Variants in IGF2R observed in about 807,000 individuals in gnomAD.
The protein encoded by IGF2R is cation-independent mannose-6-phosphate receptor.
A neutral mutation model predicts 270.6 loss-of-function variants in IGF2R; 91 were observed. That is an observed-to-expected ratio of 0.34 (90% CI 0.28 to 0.40). IGF2R has a LOEUF of 0.40. IGF2R is among the 10% of genes least tolerant of loss of function. IGF2R has a pLI of 1.00. For synonymous variants in IGF2R, 1,316 were observed against 1,258.9 expected (o/e 1.05, Z -0.96); for missense variants, 2,805 against 3,188.3 (o/e 0.88, Z 2.90).
At position 160,048,385 on chromosome 6, in the gene IGF2R, T is replaced by C. The variant is rs1778116525; in HGVS notation, c.2356T>C (p.Ser786Pro). The change falls in exon 18 of 48, where the codon TCT (serine) becomes CCT (proline). Residue 786 changes from serine (S) to proline (P), a missense_variant. By Grantham distance (74) the Ser-to-Pro change is moderately conservative. This residue lies in a region of IGF2R where 1,851 missense variants were observed against 2,207.2 expected (regional missense o/e 0.84). Transcript: ENST00000356956. ...GCTTTGAAATTTTAGTCTGGCAAAA[T>C]CTGAAGGTGGCCTTGGAGGAAACTG... ...EQYDLSSLAKSEGGLGGNWYA... is the reference protein window; with the variant it reads ...EQYDLSSLAKPEGGLGGNWYA... 6.2e-7 allele frequency: 1 copy of C among 1,614,072 alleles called. No homozygotes were observed. The highest frequency in any genetic ancestry group is 8.5e-7 in the Non-Finnish European group (1 of 1,180,032).
At chr6:160,005,830 C>T (rs967937816) in intron 2 of IGF2R, 1 of 150,884 alleles carries the variant, frequency 6.6e-6, no homozygotes. Context: ...CCATGTCCCC[C>T]ACGACTCCTA....
intron 25 of IGF2R, 84 bp downstream of exon 25, chr6:160,062,012 G>C: frequency 1.5e-6 from 2 of 1,343,270 alleles, no homozygotes; most frequent in Non-Finnish European, 2.1e-6. Flanking sequence ...CTTCTATCTT[G>C]TTTAAAACTT....
intron 1 of IGF2R, among the ~76,000 whole-genome samples, chr6:159,973,620 AT>A (rs1783644223): frequency 1.3e-5 from 2 of 152,216 alleles, no homozygotes; most frequent in South Asian, 2.1e-4. Flanking sequence ...GATCACATCC[AT>A]TTGTGTGTGT....
At position 160,096,595 on chromosome 6, in the gene IGF2R, C is replaced by T. The variant is rs1779365479; in HGVS notation, c.6812C>T (p.Ser2271Phe). 1 of 1,613,992 alleles carries T rather than the reference C, an allele frequency of 6.2e-7. No homozygotes were observed. Among genetic ancestry groups the T allele is most frequent in the Non-Finnish European group, 8.5e-7 (1 of 1,179,982 alleles). Residue 2271 changes from serine to phenylalanine, a missense_variant, in exon 45 of 48, where the codon TCT (serine) becomes TTT (phenylalanine). Around this residue, in one of 2 missense-constraint regions of IGF2R, gnomAD observed 1,851 missense variants for 2,207.2 expected, o/e 0.84. Transcript: ENST00000356956. Reference sequence around the variant, plus strand: ...ACTGCCGACTGCCAGTACCTCTTCTCTTGGTACACCTCAGCCGTGTGTCCT... The same window carrying T: ...ACTGCCGACTGCCAGTACCTCTTCTTTTGGTACACCTCAGCCGTGTGTCCT... ...HETADCQYLF[S>F]WYTSAVCPLG...
rs148993724 is a variant in IGF2R, at chr6:160,058,983, A to G, written c.2976A>G (p.Gln992=). 1.2e-5 allele frequency: 20 copies of G among 1,614,222 alleles called. No individual in the cohort carries two copies. The African/African-American group carries it at 2.3e-4, about 18-fold the overall frequency. Residue 992 remains glutamine (Q), a synonymous_variant, in exon 22 of 48, where the codon CAA becomes CAG. Transcript: ENST00000356956. The part of the protein sequence containing the change: ...KPASGCEAET[Q]TEELKNWKPA... ...CTTCTGGCTGTGAGGCAGAAACCCAAACTGAAGAGCTCAAGAATTGGAAGC... is the reference window on the plus strand; with the variant it reads ...CTTCTGGCTGTGAGGCAGAAACCCAGACTGAAGAGCTCAAGAATTGGAAGC...
intron 1 of IGF2R, 44 bp downstream of exon 1, chr6:159,969,439 G>T (rs1384484747): frequency 6.8e-6 from 8 of 1,183,434 alleles, no homozygotes; most frequent in Non-Finnish European, 8.4e-6. Context: ...CGGTGCCCGG[G>T]GTGAGCGGCC....
intron 38 of IGF2R, 131 bp from the exon 39 acceptor site, chr6:160,079,998 G>T: frequency 1.7e-6 from 2 of 1,168,908 alleles, no homozygotes; most frequent in Non-Finnish European, 1.2e-6. Context: ...GTGAGTTTTG[G>T]CAGGTGAATG....
In IGF2R at chr6:160,064,545, G is replaced by A. The variant is rs541034629; in HGVS notation, c.4017+14G>A. ...GGCACCCAGCGGGTGAGCATGTACC[G>A]ACGGCCCTCAGCGGGGTCTTCTCCC... On this transcript the variant is annotated intron_variant, in intron 28 of 47. Transcript: ENST00000356956. 1.3e-5 allele frequency: 21 copies of A among 1,613,470 alleles called. No homozygotes were observed. Among genetic ancestry groups the A allele is most frequent in the African/African-American group, 6.7e-5 (5 of 74,976 alleles).
chr6:160,049,054 G>T (rs549078330), intron 18 of IGF2R, among the ~76,000 whole-genome samples: 10 of 152,292 alleles, frequency 6.6e-5, no homozygotes, highest in South Asian at 6.2e-4. Flanking sequence ...AATCTTAAAA[G>T]AGATGTCTCT....
In IGF2R at chr6:160,104,693, C is replaced by G. The variant is rs772450171; in HGVS notation, c.7085C>G (p.Thr2362Arg). 1.2e-6 allele frequency: 2 copies of G among 1,613,370 alleles called. No individual in the cohort carries two copies. The highest frequency in any genetic ancestry group is 2.2e-5 in the South Asian group (2 of 90,988). ...KYSKVNKEEE[T>R]DENETEWLME... ...TGGCAGGTGAATAAGGAAGAAGAGA[C>G]AGATGAGAATGAAACAGAGTGGCTG... Residue 2362 changes from threonine (T) to arginine (R), a missense_variant, in exon 48 of 48, where the codon ACA (threonine) becomes AGA (arginine). By Grantham distance (71) the Thr-to-Arg change is moderately conservative. Coordinates refer to ENST00000356956, the MANE Select transcript of IGF2R (RefSeq NM_000876.4).
chr6:160,089,911 T>G lies in IGF2R; in HGVS notation c.6468-5T>G. On this transcript the variant is annotated splice_polypyrimidine_tract_variant and splice_region_variant and intron_variant, in intron 43 of 47. Transcript: ENST00000356956. ...ATGTCACTGTGATCTTTTCTGTCTC[T>G]TCAGGCTGTTCAGAGCCTCTGGGGA... 6.4e-7 allele frequency: 1 copy of G among 1,562,754 alleles called. No individual in the cohort carries two copies. The highest frequency in any genetic ancestry group is 1.2e-5 in the South Asian group (1 of 83,832).
intron 43 of IGF2R, among the ~76,000 whole-genome samples, chr6:160,089,515 T>C (rs1779171981): frequency 6.6e-6 from 1 of 152,266 alleles, no homozygotes; most frequent in Admixed American, 6.5e-5. Context: ...TCTCAGGGGT[T>C]GAAGCCGAAG....
chr6:160,022,875 G>A (rs539747044), intron 4 of IGF2R, among the ~76,000 whole-genome samples: 1 of 152,162 alleles, frequency 6.6e-6, no homozygotes, highest in Non-Finnish European at 1.5e-5. Flanking sequence ...AGAGCCATGT[G>A]TATATTTGGG....
At chr6:160,066,303 CTGAGCCAGCCTATTTT>C (rs770062048) in intron 29 of IGF2R, among the ~76,000 whole-genome samples, 45 of 152,066 alleles carry the variant, frequency 3.0e-4, no homozygotes, top group Middle Eastern at 3.4e-3. Flanking sequence ...GTGTGAGCCA[CTGAGCCAGCCTATTTT>C]TTGTATTTTT....
chr6:160,032,089 C>T (rs886987749), intron 7 of IGF2R, among the ~76,000 whole-genome samples: 6 of 152,174 alleles, frequency 3.9e-5, no homozygotes, highest in Admixed American at 6.5e-5. Flanking sequence ...TGGTTGTGCA[C>T]GCATGTGATA....
intron 2 of IGF2R, among the ~76,000 whole-genome samples, chr6:159,994,934 C>G (rs562393910): frequency 3.3e-5 from 5 of 152,286 alleles, no homozygotes; most frequent in African/African-American, 1.2e-4. Context: ...GTAGAATGAT[C>G]TTTAAATGTC....
At chr6:160,064,330 C>T (rs1418134517) in intron 27 of IGF2R, 71 bp from the exon 28 acceptor site, 5 of 1,571,016 alleles carry the variant, frequency 3.2e-6, no homozygotes, top group Non-Finnish European at 4.4e-6. Flanking sequence ...TGTGGTGTCA[C>T]ATGTCTTAGG....
At position 160,016,316 on chromosome 6, in the gene IGF2R, T is replaced by C. The variant is rs375059075; in HGVS notation, c.513+5531T>C. ...TGCCCTGGAGGCCCGCTGATCACCG[T>C]TGGGGCCAGTGCTTGTCTCAGCTGT... On this transcript the variant is annotated intron_variant, in intron 4 of 47. Transcript: ENST00000356956. Among the ~76,000 whole-genome samples, 217 of 152,316 alleles carry C rather than the reference T, an allele frequency of 1.4e-3. 1 individual carries two copies. In the Middle Eastern group the frequency reaches 0.017, roughly 12 times the overall value.
chr6:160,051,989 T>C (rs1778208211), intron 19 of IGF2R, among the ~76,000 whole-genome samples: 1 of 150,052 alleles, frequency 6.7e-6, no homozygotes, highest in African/African-American at 2.5e-5. Context: ...GTAGGAGGAT[T>C]GTTTGAGCCC....
Sources: gnomAD v4.1 joint callset for allele counts (sites outside exome capture counted in the v4.1 genomes callset) on GRCh38, gnomAD v4.1.1 for gene constraint, gnomAD v4.1.1 regional missense constraint, MANE v1.5 for transcripts, NCBI Gene and HGNC (gene_info 2026-07-23, HGNC 2026-07-21) for gene names.